The following ZC3H6 variants were observed in gnomAD, a reference collection of about 807,000 sequenced individuals.
ZC3H6 encodes zinc finger CCCH-type containing 6.
ZC3H6 carries 40 observed loss-of-function variants against 107.7 expected under a neutral mutation model. The ratio of observed to expected loss-of-function variants is 0.37; its 90% CI spans 0.29 to 0.48. The LOEUF is 0.48. Ranked by LOEUF, ZC3H6 falls within the 20% of genes least tolerant of loss-of-function variation. The pLI is 0.98. For synonymous variants in ZC3H6, 493 were observed against 487.9 expected (o/e 1.01, Z -0.14); for missense variants, 1,267 against 1,410.4 (o/e 0.90, Z 1.63).
chr2:112,338,847 A>G lies in ZC3H6; in HGVS notation c.*6359A>G, dbSNP rs375787704. 1 of 32,870 alleles carries G rather than the reference A, an allele frequency of 3.0e-5. No individual in the cohort carries two copies. Among genetic ancestry groups the G allele is most frequent in the East Asian group, 1.8e-3 (1 of 550 alleles). The allele number at this position is 32,870 out of a possible 1,614,324, so 2.0% of individuals were successfully genotyped here. A position where few individuals can be genotyped will look rare whatever the true frequency, so the allele number is the denominator to read the frequency against. On this transcript the variant is annotated 3_prime_UTR_variant, in exon 12 of 12. Transcript: ENST00000409871. ...TGATAGACTATATATATATGTATGT[A>G]TATGTGTGTATATATATATATATAT...
At chr2:112,299,270 C>T (rs1329855015) in intron 1 of ZC3H6, among the ~76,000 whole-genome samples, 3 of 129,120 alleles carry the variant, frequency 2.3e-5, no homozygotes, top group Non-Finnish European at 4.7e-5. Context: ...GAGTGAGACT[C>T]CATCTCAAAA....
intron 2 of ZC3H6, among the ~76,000 whole-genome samples, chr2:112,302,165 C>G (rs1211243280): frequency 6.6e-6 from 1 of 152,066 alleles, no homozygotes; most frequent in African/African-American, 2.4e-5. Flanking sequence ...GAGCTGACTT[C>G]TGATGGTGAC....
chr2:112,328,568 C>G (rs1042552142), intron 11 of ZC3H6, among the ~76,000 whole-genome samples: 16 of 152,162 alleles, frequency 1.1e-4, no homozygotes, highest in Non-Finnish European at 1.5e-4. Context: ...ATTAATTCTT[C>G]ATTTACCTAA....
intron 3 of ZC3H6, among the ~76,000 whole-genome samples, chr2:112,307,411 C>G (rs1326088518): frequency 6.6e-6 from 1 of 152,000 alleles, no homozygotes; most frequent in Non-Finnish European, 1.5e-5. Flanking sequence ...TGCAGACATT[C>G]TAGCAGTTTG....
In ZC3H6 at chr2:112,332,088, C is replaced by T; in HGVS notation, c.3170C>T (p.Ser1057Leu). 1 of 1,613,996 alleles carries T rather than the reference C, an allele frequency of 6.2e-7. No homozygotes were observed. Among genetic ancestry groups the T allele is most frequent in the Non-Finnish European group, 8.5e-7 (1 of 1,179,876 alleles). ...SLYDPRDHGS[S>L]STSELATASS... ...TATGACCCTAGGGATCACGGTTCAT[C>T]ATCCACATCAGAGCTAGCAACAGCT... The change falls in exon 12 of 12, where the codon TCA (serine) becomes TTA (leucine). Residue 1057 changes from serine (S) to leucine (L), a missense_variant. By Grantham distance (145) the Ser-to-Leu change is moderately radical. Around this residue, in one of 3 missense-constraint regions of ZC3H6, gnomAD observed 925 missense variants for 1,025.7 expected, o/e 0.90. Transcript: ENST00000409871.
Position 112,310,004 on chromosome 2 carries a change from T to G in ZC3H6, c.456T>G (p.Ser152Arg). ...GTGATGACAACTTCGGTAACTACAG[T>G]GATGACAACTTTGGTAACTACGGTC... ...TYSDDNFGNY[S>R]DDNFGNYGQE... Residue 152 changes from serine to arginine, a missense_variant, in exon 4 of 12, where the codon AGT (serine) becomes AGG (arginine). Physicochemically the swap from Ser to Arg is moderately radical, Grantham distance 110 (BLOSUM62 -1). Coordinates refer to ENST00000409871, the MANE Select transcript of ZC3H6 (RefSeq NM_198581.3). 6.2e-7 allele frequency: 1 copy of G among 1,613,634 alleles called. No individual in the cohort carries two copies. The highest frequency in any genetic ancestry group is 8.5e-7 in the Non-Finnish European group (1 of 1,179,742).
At chr2:112,310,276 C>T (rs2104712674) in intron 4 of ZC3H6, 115 bp downstream of exon 4, 1 of 1,025,336 alleles carries the variant, frequency 9.8e-7, no homozygotes, top group Non-Finnish European at 1.4e-6. Context: ...TCTTGTAGAA[C>T]CTAAATTCAT....
chr2:112,316,281 C>T (rs891480904), intron 5 of ZC3H6, among the ~76,000 whole-genome samples, 189 bp from the exon 6 acceptor site: 13 of 146,152 alleles, frequency 8.9e-5, no homozygotes, highest in South Asian at 2.2e-4. Flanking sequence ...CTTTTTTTTG[C>T]GATCACTAGT....
rs561201210 is a variant in ZC3H6, at chr2:112,311,839, C to T, written c.649C>T (p.Arg217Cys). 1.1e-4 allele frequency: 171 copies of T among 1,613,006 alleles called. 5 individuals carry two copies. The South Asian group carries it at 1.7e-3, about 16-fold the overall frequency. Reference protein sequence around the residue: ...EQRVKSFNVGRGRGLPKKIKR... With the variant: ...EQRVKSFNVGCGRGLPKKIKR... ...GAGAGTTAAAAGTTTTAATGTTGGT[C>T]GTGGACGTGGCTTGCCGAAGAAAAT... Residue 217 changes from arginine to cysteine, a missense_variant, in exon 5 of 12, where the codon CGT (arginine) becomes TGT (cysteine). By Grantham distance (180) the Arg-to-Cys change is radical (BLOSUM62 -3). Transcript: ENST00000409871.
At chr2:112,319,898 G>T (rs1304247535) in intron 7 of ZC3H6, among the ~76,000 whole-genome samples, 2 of 152,112 alleles carry the variant, frequency 1.3e-5, no homozygotes, top group Non-Finnish European at 2.9e-5. Flanking sequence ...ATGCTGGTAT[G>T]TATGTATGAA....
rs763912613 is a variant in ZC3H6 at position 112,317,264 on chromosome 2, G to A, written c.908G>A (p.Arg303Lys). ...KFDHDAELEK[R>K]KEICKFYLQG... ...GATCATGATGCAGAGTTGGAGAAAA[G>A]AAAAGAGATCTGCAAATTTTATTTA... is the stretch of plus-strand genomic sequence containing the variant. The change falls in exon 7 of 12, where the codon AGA becomes AAA. Residue 303 changes from arginine (R) to lysine (K), a missense_variant. Arg to Lys is a conservative substitution (Grantham distance 26, BLOSUM62 2). Coordinates refer to ENST00000409871, the MANE Select transcript of ZC3H6 (RefSeq NM_198581.3). The A allele has an allele frequency of 8.2e-6, 13 of 1,580,000 alleles. No individual in the cohort carries two copies. Among genetic ancestry groups the A allele is most frequent in the Non-Finnish European group, 1.0e-5 (12 of 1,166,540 alleles).
chr2:112,320,248 T>C (rs1676776966), intron 7 of ZC3H6, among the ~76,000 whole-genome samples: 1 of 152,220 alleles, frequency 6.6e-6, no homozygotes, highest in African/African-American at 2.4e-5. Flanking sequence ...ACATAATTTT[T>C]TAGAAAAATG....
chr2:112,339,687 C>G lies in ZC3H6; in HGVS notation c.*7199C>G, dbSNP rs1677206993. On this transcript the variant is annotated 3_prime_UTR_variant, in exon 12 of 12. Transcript: ENST00000409871. ...CTGTGGGCTGAAATCCAGGTTATAC[C>G]TATTCACTATGACTTTTTTTTTTTT... 6.6e-6 allele frequency: 1 copy of G among 151,638 alleles called. No homozygotes were observed. Among genetic ancestry groups the G allele is most frequent in the Admixed American group, 6.6e-5 (1 of 15,244 alleles). 9.4% of individuals were successfully genotyped at this position (151,638 alleles called of 1,614,324 possible).
rs1676830091 is a variant in ZC3H6 at position 112,322,831 on chromosome 2, T to C, written c.1269T>C (p.Phe423=). Residue 423 remains phenylalanine, a synonymous_variant, in exon 9 of 12, where the codon TTT becomes TTC. Transcript: ENST00000409871. ...DDFQTDFSDD[F]RKIPSLFEIV... ...TTCAGACAGATTTCTCTGATGATTT[T>C]AGGAAAATTCCATCTCTTTTTGAAA... The C allele has an allele frequency of 2.5e-6, 4 of 1,613,816 alleles. No individual in the cohort carries two copies. The East Asian group carries it at 8.9e-5, about 36-fold the overall frequency.
At chr2:112,290,493 A>C (rs1011418732) in intron 1 of ZC3H6, among the ~76,000 whole-genome samples, 1 of 152,212 alleles carries the variant, frequency 6.6e-6, no homozygotes, top group African/African-American at 2.4e-5. Flanking sequence ...TTGTGTGGTT[A>C]TTTTATGTTT....
rs1319602587 is a variant in ZC3H6, at chr2:112,336,691, C to CA, written c.*4204dup. Reference sequence around the variant, plus strand: ...TTGTGTTTGAGTATGTCATTTATGTCATTTATCAGCAGTATCTGCCAGTTG... The same window carrying CA: ...TTGTGTTTGAGTATGTCATTTATGTCAATTTATCAGCAGTATCTGCCAGTTG... On this transcript the variant is annotated 3_prime_UTR_variant, in exon 12 of 12. Coordinates refer to ENST00000409871, the MANE Select transcript of ZC3H6 (RefSeq NM_198581.3). 2.0e-5 allele frequency: 3 copies of CA among 152,216 alleles called. No homozygotes were observed. The highest frequency in any genetic ancestry group is 7.2e-5 in the African/African-American group (3 of 41,544). The allele number at this position is 152,216 out of a possible 1,614,324, so 9.4% of individuals were successfully genotyped here.
rs372546142 is a variant in ZC3H6, at chr2:112,311,879, G to A, written c.689G>A (p.Arg230His). ...GLPKKIKRKE[R>H]GGRTNKGPNV... ...CCGAAGAAAATCAAACGAAAAGAACGTGGGGGAAGAACCAATAAAGGGCCT... is the reference window on the plus strand; with the variant it reads ...CCGAAGAAAATCAAACGAAAAGAACATGGGGGAAGAACCAATAAAGGGCCT... Residue 230 changes from arginine to histidine, a missense_variant, in exon 5 of 12, where the codon CGT becomes CAT. Transcript: ENST00000409871. 2.5e-5 allele frequency: 41 copies of A among 1,613,410 alleles called. No individual in the cohort carries two copies. Among genetic ancestry groups the A allele is most frequent in the African/African-American group, 4.0e-5 (3 of 74,910 alleles).
intron 1 of ZC3H6, among the ~76,000 whole-genome samples, chr2:112,292,045 C>G (rs577832877): frequency 6.6e-6 from 1 of 152,278 alleles, no homozygotes; most frequent in African/African-American, 2.4e-5. Context: ...CTAATTGGTT[C>G]ATTTGGGGAC....
At position 112,275,813 on chromosome 2, in the gene ZC3H6, T is replaced by C. The variant is rs1170806001; in HGVS notation, c.-182T>C. The C allele has an allele frequency of 1.9e-6, 1 of 515,990 alleles. No individual in the cohort carries two copies. The highest frequency in any genetic ancestry group is 3.5e-6 in the Non-Finnish European group (1 of 286,676). The allele number at this position is 515,990 out of a possible 1,614,324, so 32.0% of individuals were successfully genotyped here. On this transcript the variant is annotated 5_prime_UTR_variant, in exon 1 of 12. Coordinates refer to ENST00000409871, the MANE Select transcript of ZC3H6 (RefSeq NM_198581.3). ...AGCCCCATCTCTCTGGCGTGGTTGT[T>C]AATAGACTGGAAAGTCTGTGTCTGT...
Sources: allele counts gnomAD v4.1 joint callset (sites outside exome capture counted in the v4.1 genomes callset), GRCh38; gene constraint gnomAD v4.1.1; regional missense constraint gnomAD v4.1.1; transcripts MANE v1.5; gene names NCBI Gene and HGNC (gene_info 2026-07-23, HGNC 2026-07-21).